The following SPDL1 variants were observed in gnomAD, a reference collection of about 807,000 sequenced individuals.
The protein encoded by SPDL1 is spindle apparatus coiled-coil protein 1, also known as protein Spindly.
Under a neutral mutation model 79.5 loss-of-function variants are expected in SPDL1, and 85 were observed. The ratio of observed to expected loss-of-function variants is 1.07; its 90% CI spans 0.90 to 1.28. The LOEUF (loss-of-function observed/expected upper bound fraction) is 1.28, where lower values mean the gene tolerates loss of function less well. SPDL1 is among the 50% of genes most tolerant of loss of function. The pLI is 0.00. For synonymous variants in SPDL1, 269 were observed against 240.3 expected (o/e 1.12, Z -1.10); for missense variants, 703 against 697.8 (o/e 1.01, Z -0.08).
chr5:169,598,926 A>G (rs1755736704), intron 9 of SPDL1, 46 bp from the exon 10 acceptor site: 1 of 1,498,600 alleles, frequency 6.7e-7, no homozygotes, highest in Admixed American at 2.5e-5. Context: ...TACACTTATT[A>G]TATGCTGTCT....
chr5:169,592,472 C>T (rs940223064), intron 3 of SPDL1, among the ~76,000 whole-genome samples: 5 of 152,104 alleles, frequency 3.3e-5, no homozygotes, highest in Admixed American at 1.3e-4. Flanking sequence ...ACTTCAGCCT[C>T]GCAAAGTGCT....
intron 11 of SPDL1, 136 bp from the exon 12 acceptor site, chr5:169,603,924 C>T (rs537929918): frequency 3.3e-5 from 26 of 782,542 alleles, no homozygotes; most frequent in Non-Finnish European, 5.0e-5. Flanking sequence ...ACTTAATATT[C>T]TTACAGTATT....
chr5:169,599,022 CATT>C lies in SPDL1; in HGVS notation c.1191_1193del (p.Leu397del), dbSNP rs1225163615. On this transcript the variant is annotated inframe_deletion, in exon 10 of 12. Transcript: ENST00000265295. ...GAATTGTCCATACAGCGAATGAAAG[CATT>C]ATTTGAGAGCCAGCGGGCTCTAGAT... 5.1e-6 allele frequency: 8 copies of C among 1,582,554 alleles called. No homozygotes were observed. Among genetic ancestry groups the C allele is most frequent in the Non-Finnish European group, 6.9e-6 (8 of 1,160,208 alleles).
intron 11 of SPDL1, among the ~76,000 whole-genome samples, chr5:169,603,293 T>C (rs1359091273): frequency 6.6e-6 from 1 of 152,236 alleles, no homozygotes. Context: ...CGAGAATCTT[T>C]ACAGGCCTTT....
rs1438092403 is a variant in SPDL1 at position 169,591,131 on chromosome 5, A to G, written c.243A>G (p.Glu81=). 3 of 1,614,084 alleles carry G rather than the reference A, an allele frequency of 1.9e-6. No individual in the cohort carries two copies. The highest frequency in any genetic ancestry group is 1.1e-5 in the South Asian group (1 of 91,076). ...RMLESLSCEC[E]AIKQQQKMHL... ...TAGAAAGTTTGAGCTGCGAATGTGAAGCTATTAAACAACAACAAAAAATGC... is the reference window on the plus strand; with the variant it reads ...TAGAAAGTTTGAGCTGCGAATGTGAGGCTATTAAACAACAACAAAAAATGC... Residue 81 remains glutamate (E), a synonymous_variant, in exon 3 of 12, where the codon GAA becomes GAG. Transcript: ENST00000265295.
chr5:169,598,617 T>G, intron 9 of SPDL1, 38 bp downstream of exon 9: 2 of 1,487,520 alleles, frequency 1.3e-6, no homozygotes, highest in South Asian at 2.3e-5. Context: ...GATGAACATG[T>G]CACTTGCTTA....
chr5:169,594,513 T>C, intron 6 of SPDL1, 21 bp downstream of exon 6: 1 of 1,611,952 alleles, frequency 6.2e-7, no homozygotes, highest in Non-Finnish European at 8.5e-7. Context: ...GTATCCTAAC[T>C]ACTAAATTGG....
chr5:169,599,623 G>T (rs184648608), intron 10 of SPDL1, among the ~76,000 whole-genome samples: 1 of 152,122 alleles, frequency 6.6e-6, no homozygotes, highest in Non-Finnish European at 1.5e-5. Context: ...AGCACTCCAC[G>T]GTATCAAGAT....
At chr5:169,603,949 T>A in intron 11 of SPDL1, 111 bp from the exon 12 acceptor site, 1 of 1,222,918 alleles carries the variant, frequency 8.2e-7, no homozygotes, top group Non-Finnish European at 1.1e-6. Context: ...TCAACTATAT[T>A]TTTTTTCCTT....
Position 169,594,593 on chromosome 5 carries a change from T to A in SPDL1, c.803T>A (p.Met268Lys). 1.9e-6 allele frequency: 3 copies of A among 1,613,976 alleles called. No homozygotes were observed. The highest frequency in any genetic ancestry group is 2.5e-6 in the Non-Finnish European group (3 of 1,179,884). ...FAEVEDRRAAMERQLISMKVK... is the reference protein window; with the variant it reads ...FAEVEDRRAAKERQLISMKVK... ...TAGGTGGAAGATCGAAGGGCAGCAA[T>A]GGAACGTCAGCTCATCAGTATGAAA... is the stretch of plus-strand genomic sequence containing the variant. The change falls in exon 7 of 12, where the codon ATG becomes AAG. Residue 268 changes from methionine (M) to lysine (K), a missense_variant. Physicochemically the swap from Met to Lys is moderately conservative, Grantham distance 95. Coordinates refer to ENST00000265295, the MANE Select transcript of SPDL1 (RefSeq NM_017785.5).
intron 11 of SPDL1, 78 bp downstream of exon 11, chr5:169,601,703 GTTTC>G (rs771288324): frequency 1.5e-5 from 19 of 1,275,226 alleles, no homozygotes; most frequent in South Asian, 2.5e-5. Context: ...TGTGCTGTCT[GTTTC>G]TTTATCTACT....
At position 169,593,549 on chromosome 5, in the gene SPDL1, G is replaced by T; in HGVS notation, c.531+1G>T. ...GCTGACAGAAATGGAGAGTATGAAG[G>T]TAATTTTTATGGCATGTGTTTCTCA... On this transcript the variant is annotated splice_donor_variant, in intron 4 of 11. Coordinates refer to ENST00000265295, the MANE Select transcript of SPDL1 (RefSeq NM_017785.5). LOFTEE classifies it high-confidence loss of function. 2 of 1,576,548 alleles carry T rather than the reference G, an allele frequency of 1.3e-6. No homozygotes were observed. Among genetic ancestry groups the T allele is most frequent in the South Asian group, 1.2e-5 (1 of 83,162 alleles).
intron 7 of SPDL1, chr5:169,595,690 C>T (rs1320754301): frequency 6.6e-6 from 1 of 152,122 alleles, no homozygotes; most frequent in African/African-American, 2.4e-5. Context: ...CTCACGTTTA[C>T]TTTAGTTTTC....
At chr5:169,594,717 A>G (rs776815733) in intron 7 of SPDL1, 36 bp downstream of exon 7, 5 of 1,454,448 alleles carry the variant, frequency 3.4e-6, no homozygotes, top group South Asian at 2.3e-5. Flanking sequence ...TTATTAAACA[A>G]ATTTTGTGTC....
chr5:169,594,442 C>T lies in SPDL1; in HGVS notation c.730C>T (p.Leu244Phe), dbSNP rs774727317. The T allele has an allele frequency of 6.6e-5, 107 of 1,614,004 alleles. No individual in the cohort carries two copies. In the Admixed American group the frequency reaches 1.3e-3, roughly 20 times the overall value. ...TCTTCAGGTACAGTTGGACCAGGCACTCCAGCAAGCCTTGGATCCCAATAG... is the reference window on the plus strand; with the variant it reads ...TCTTCAGGTACAGTTGGACCAGGCATTCCAGCAAGCCTTGGATCCCAATAG... ...QDLQVQLDQA[L>F]QQALDPNSKG... The change falls in exon 6 of 12, where the codon CTC (leucine) becomes TTC (phenylalanine). Residue 244 changes from leucine to phenylalanine, a missense_variant. Coordinates refer to ENST00000265295, the MANE Select transcript of SPDL1 (RefSeq NM_017785.5).
intron 1 of SPDL1, among the ~76,000 whole-genome samples, chr5:169,588,149 T>C (rs567593153): frequency 1.3e-4 from 20 of 152,236 alleles, no homozygotes; most frequent in Non-Finnish European, 2.8e-4. Context: ...GTGAACTGTT[T>C]AGAAGCAAAA....
At chr5:169,602,063 C>T in intron 11 of SPDL1, 1 of 205,050 alleles carries the variant, frequency 4.9e-6, no homozygotes, top group Non-Finnish European at 1.0e-5. Context: ...AATTGCTTAT[C>T]CTAGGCATTC....
intron 11 of SPDL1, 159 bp downstream of exon 11, chr5:169,601,784 T>C: frequency 1.3e-6 from 1 of 742,914 alleles, no homozygotes; most frequent in Non-Finnish European, 2.4e-6. Context: ...TCCAGAACTT[T>C]AAGAAAGACT....
intron 1 of SPDL1, chr5:169,585,933 T>C (rs73314520): frequency 0.053 from 8,107 of 152,346 alleles, 251 homozygotes; most frequent in Non-Finnish European, 0.058. Flanking sequence ...TACATTAAAC[T>C]TCATCCTGTT....
Sources: allele counts gnomAD v4.1 joint callset (sites outside exome capture counted in the v4.1 genomes callset), GRCh38; gene constraint gnomAD v4.1.1; transcripts MANE v1.5; gene names NCBI Gene and HGNC (gene_info 2026-07-23, HGNC 2026-07-21).